The following MCCC1 variants were observed in gnomAD, a reference collection of about 807,000 sequenced individuals.
MCCC1 encodes the protein methylcrotonyl-CoA carboxylase subunit 1.
In MCCC1, 64 loss-of-function variants were observed where a neutral mutation model predicts 83.8. The observed-to-expected ratio is 0.76, with a 90% CI of 0.62 to 0.94. MCCC1 has a LOEUF of 0.94. MCCC1 is among the 40% of genes least tolerant of loss of function. The pLI, the probability that MCCC1 is intolerant of heterozygous loss-of-function variation, is 0.00. For synonymous variants in MCCC1, 322 were observed against 315.4 expected, an observed-to-expected ratio of 1.02 and a Z score of -0.22; for missense variants, 807 against 904.7, an observed-to-expected ratio of 0.89 and a Z score of 1.39.
chr3:183,091,846 G>A (rs1416961809), intron 3 of MCCC1, among the ~76,000 whole-genome samples: 1 of 152,082 alleles, frequency 6.6e-6, no homozygotes, highest in Non-Finnish European at 1.5e-5. Context: ...AGACCATCCT[G>A]GCTAACACGG....
chr3:183,053,642 T>C (rs1004733918), intron 8 of MCCC1, among the ~76,000 whole-genome samples: 3 of 150,798 alleles, frequency 2.0e-5, no homozygotes, highest in Non-Finnish European at 4.4e-5. Context: ...CCGTCTCTAC[T>C]AAAAATACAA....
chr3:183,081,214 C>T (rs1717468307), intron 4 of MCCC1, among the ~76,000 whole-genome samples: 1 of 152,194 alleles, frequency 6.6e-6, no homozygotes, highest in Admixed American at 6.5e-5. Flanking sequence ...AACAACAGCA[C>T]CACTACTATT....
At chr3:183,029,528 C>T (rs1235777069) in intron 14 of MCCC1, among the ~76,000 whole-genome samples, 5 of 152,182 alleles carry the variant, frequency 3.3e-5, no homozygotes, top group South Asian at 2.1e-4. Flanking sequence ...CGTACTCCTT[C>T]GCTTTTCACA....
chr3:183,114,421 G>A (rs1396807407), intron 1 of MCCC1, among the ~76,000 whole-genome samples: 21 of 152,004 alleles, frequency 1.4e-4, no homozygotes, highest in Non-Finnish European at 2.8e-4. Flanking sequence ...CTCAAAGTGT[G>A]GCGTTTTTCT....
chr3:183,100,837 C>T (rs1719204247), upstream of MCCC1, among the ~76,000 whole-genome samples: 1 of 152,250 alleles, frequency 6.6e-6, no homozygotes, highest in African/African-American at 2.4e-5. Context: ...ACTGTGGGAG[C>T]CCCTTTCTGG....
chr3:183,085,202 C>T (rs1031849346), intron 4 of MCCC1, among the ~76,000 whole-genome samples: 4 of 152,064 alleles, frequency 2.6e-5, no homozygotes, highest in Non-Finnish European at 5.9e-5. Flanking sequence ...AATTGTTTTG[C>T]CTTCTTTCAA....
chr3:183,107,509 T>TTTATTATTATTA (rs199825914), intron 1 of MCCC1, among the ~76,000 whole-genome samples: 4 of 150,600 alleles, frequency 2.7e-5, no homozygotes, highest in African/African-American at 9.8e-5. Context: ...CTGTTTTGTT[T>TTTATTATTATTA]TTATTATTAT....
intron 1 of MCCC1, among the ~76,000 whole-genome samples, chr3:183,111,647 T>C (rs1210048696): frequency 6.6e-6 from 1 of 152,194 alleles, no homozygotes; most frequent in African/African-American, 2.4e-5. Flanking sequence ...ATGTGAGTTA[T>C]TCTTAGGCCT....
chr3:183,039,313 C>G (rs1191459367), intron 11 of MCCC1, among the ~76,000 whole-genome samples, 178 bp from the exon 12 acceptor site: 2 of 152,178 alleles, frequency 1.3e-5, no homozygotes, highest in African/African-American at 4.8e-5. Flanking sequence ...GAAAACTCAC[C>G]AGGTGTAACG....
chr3:183,099,802 C>A (rs1485623614), upstream of MCCC1, among the ~76,000 whole-genome samples: 1 of 152,204 alleles, frequency 6.6e-6, no homozygotes, highest in Non-Finnish European at 1.5e-5. Context: ...CTCTCGTCAC[C>A]TTCTGGGAGA....
rs1715895607 is a variant in MCCC1, at chr3:183,062,301, G to T, written c.762-4879C>A. On this transcript the variant is annotated intron_variant, in intron 7 of 18. Coordinates refer to ENST00000265594, the MANE Select transcript of MCCC1 (RefSeq NM_020166.5). Reference sequence around the variant, plus strand: ...CCAGGTTATGAAGGGAATGTGTGGGGGCCACATCAAGAGCACAGAGCAATT... The same window carrying T: ...CCAGGTTATGAAGGGAATGTGTGGGTGCCACATCAAGAGCACAGAGCAATT... Among the ~76,000 whole-genome samples, 5 of 152,020 alleles carry T rather than the reference G, an allele frequency of 3.3e-5. No individual in the cohort carries two copies. The South Asian group carries it at 1.0e-3, about 31-fold the overall frequency.
upstream of MCCC1, among the ~76,000 whole-genome samples, chr3:183,100,729 G>C (rs1003264934): frequency 6.6e-6 from 1 of 152,222 alleles, no homozygotes; most frequent in African/African-American, 2.4e-5. Context: ...ATGTGACAGC[G>C]TGCTGGCAGT....
intron 10 of MCCC1, among the ~76,000 whole-genome samples, chr3:183,043,286 T>C (rs1379799380): frequency 6.6e-6 from 1 of 152,218 alleles, no homozygotes; most frequent in African/African-American, 2.4e-5. Context: ...AAACTCTGTC[T>C]CTTGTGTTCA....
At chr3:183,087,740 C>T (rs1339552793) in intron 3 of MCCC1, among the ~76,000 whole-genome samples, 3 of 150,328 alleles carry the variant, frequency 2.0e-5, no homozygotes, top group Non-Finnish European at 3.0e-5. Flanking sequence ...GCGTGGTGGT[C>T]GGCACCCGTA....
At chr3:183,055,581 A>T (rs1188402296) in intron 8 of MCCC1, among the ~76,000 whole-genome samples, 2 of 152,140 alleles carry the variant, frequency 1.3e-5, no homozygotes. Flanking sequence ...GACAGCTTTC[A>T]TAACTATATG....
upstream of MCCC1, among the ~76,000 whole-genome samples, chr3:183,104,038 G>A (rs1448234648): frequency 2.6e-5 from 4 of 152,122 alleles, no homozygotes; most frequent in Admixed American, 6.5e-5. Context: ...CGGCTACTCC[G>A]AGTGCGAGGC....
At chr3:183,099,562 C>T (rs1013487067), upstream of MCCC1, 24 of 1,202,220 alleles carry the variant, frequency 2.0e-5, no homozygotes, top group Non-Finnish European at 2.5e-5. Context: ...GAGCCTGAGC[C>T]TACCTTTGGG....
chr3:183,042,294 T>C (rs754216946), intron 10 of MCCC1, among the ~76,000 whole-genome samples: 2 of 152,228 alleles, frequency 1.3e-5, no homozygotes, highest in Non-Finnish European at 1.5e-5. Flanking sequence ...ATGTACTGCA[T>C]GATACCAGAT....
chr3:183,089,768 C>T (rs768056229), intron 3 of MCCC1, among the ~76,000 whole-genome samples: 1 of 152,042 alleles, frequency 6.6e-6, no homozygotes, highest in Non-Finnish European at 1.5e-5. Context: ...GAGAAAAATG[C>T]TCAAAGACTT....
Sources: allele counts gnomAD v4.1 joint callset (sites outside exome capture counted in the v4.1 genomes callset), GRCh38; gene constraint gnomAD v4.1.1; transcripts MANE v1.5; gene names NCBI Gene and HGNC (gene_info 2026-07-23, HGNC 2026-07-21).